The following TRIM66 variants were observed in gnomAD, a reference collection of about 807,000 sequenced individuals.
TRIM66 encodes tripartite motif-containing protein 66.
A neutral mutation model predicts 148.2 loss-of-function variants in TRIM66; 99 were observed. That is an observed-to-expected ratio of 0.67 (90% confidence interval 0.57 to 0.79). The LOEUF is 0.79. Among genes scored for constraint, TRIM66 ranks in the 30% least tolerant of loss-of-function variants. The pLI is 0.00. For missense variants in TRIM66, 1,666 were observed against 1,697.9 expected, an observed-to-expected ratio of 0.98 and a Z score of 0.33; for synonymous variants, 616 against 635.9, an observed-to-expected ratio of 0.97 and a Z score of 0.47.
chr11:8,618,666 C>G, intron 24 of TRIM66, 84 bp downstream of exon 24: 1 of 1,292,460 alleles, frequency 7.7e-7, no homozygotes, highest in Non-Finnish European at 1.1e-6. Context: ...ACCACCCGAA[C>G]AGCTTCACCT....
At chr11:8,642,082 C>T (rs1052388315) in intron 13 of TRIM66, among the ~76,000 whole-genome samples, 8 of 152,108 alleles carry the variant, frequency 5.3e-5, no homozygotes, top group East Asian at 1.9e-4. Flanking sequence ...TGCCAGGCAC[C>T]GGCACTGCCC....
At position 8,640,950 on chromosome 11, in the gene TRIM66, A is replaced by G. The variant is rs1211055976; in HGVS notation, c.1425T>C (p.Pro475=). The G allele has an allele frequency of 1.9e-6, 3 of 1,551,170 alleles. No homozygotes were observed. The highest frequency in any genetic ancestry group is 2.4e-5 in the South Asian group (2 of 84,026). Residue 475 remains proline, a synonymous_variant, in exon 14 of 25, where the codon CCT becomes CCC. Transcript: ENST00000646038. ...GTGGGGGGACCTGGCCTTTGAGGGA[A>G]GGCGAGACTGGGGAGCAGTGGGAGC... ...VCCSHCSPVS[P]SLKGQVPPPS...
chr11:8,633,787 G>A (rs555229981), intron 15 of TRIM66, among the ~76,000 whole-genome samples: 1 of 152,186 alleles, frequency 6.6e-6, no homozygotes, highest in Non-Finnish European at 1.5e-5. Context: ...ATGAGTTTAA[G>A]CAAGTCATTG....
At chr11:8,660,196 C>A (rs144800362) in intron 6 of TRIM66, among the ~76,000 whole-genome samples, 75 of 152,306 alleles carry the variant, frequency 4.9e-4, no homozygotes, top group African/African-American at 1.8e-3. Context: ...AGATCCTTCA[C>A]AATTTGGCCC....
chr11:8,621,326 G>A lies in TRIM66; in HGVS notation c.3256-5C>T. ...AGACAGTCTGTCCTGGCTGACCTTG[G>A]GGAAGAAGTAAGTCTGGGCAGCCAG... On this transcript the variant is annotated splice_polypyrimidine_tract_variant and splice_region_variant and intron_variant, in intron 19 of 24. Transcript: ENST00000646038. 3 of 1,548,020 alleles carry A rather than the reference G, an allele frequency of 1.9e-6. No individual in the cohort carries two copies. Among genetic ancestry groups the A allele is most frequent in the Non-Finnish European group, 2.6e-6 (3 of 1,144,736 alleles).
At chr11:8,663,678 T>C (rs1489763507) in intron 6 of TRIM66, among the ~76,000 whole-genome samples, 2 of 152,132 alleles carry the variant, frequency 1.3e-5, no homozygotes, top group Non-Finnish European at 2.9e-5. Flanking sequence ...GAGACATACC[T>C]GCACTCCCAT....
intron 8 of TRIM66, among the ~76,000 whole-genome samples, chr11:8,649,348 T>A (rs578217045): frequency 1.9e-4 from 28 of 150,914 alleles, no homozygotes; most frequent in East Asian, 1.4e-3. Flanking sequence ...CAAAAAAAAA[T>A]AAAAATAAAA....
chr11:8,676,883 G>C (rs993035170), intron 3 of TRIM66, among the ~76,000 whole-genome samples: 2 of 152,198 alleles, frequency 1.3e-5, no homozygotes, highest in Non-Finnish European at 2.9e-5. Flanking sequence ...TTACTTAAAA[G>C]AATGTGGGTC....
At position 8,612,476 on chromosome 11, in the gene TRIM66, T is replaced by C. The variant is rs2033456302; in HGVS notation, c.*5468A>G. On this transcript the variant is annotated 3_prime_UTR_variant, in exon 25 of 25. Coordinates refer to ENST00000646038, the MANE Select transcript of TRIM66 (RefSeq NM_001388022.1). ...CACAACTTTATAGATGAGGAAACTG[T>C]ATCCAAGGTTACACAGCTCATAATG... 6.6e-6 allele frequency: 1 copy of C among 152,210 alleles called. No individual in the cohort carries two copies. The highest frequency in any genetic ancestry group is 1.5e-5 in the Non-Finnish European group (1 of 68,042). 9.4% of individuals were successfully genotyped at this position (152,210 alleles called of 1,614,324 possible).
Position 8,651,814 on chromosome 11 carries a change from G to A in TRIM66, c.430C>T (p.Pro144Ser), listed in dbSNP as rs1230007506. The A allele has an allele frequency of 6.4e-7, 1 of 1,551,728 alleles. No individual in the cohort carries two copies. Among genetic ancestry groups the A allele is most frequent in the Non-Finnish European group, 8.7e-7 (1 of 1,146,990 alleles). The change falls in exon 7 of 25, where the codon CCC becomes TCC. Residue 144 changes from proline (P) to serine (S), a missense_variant. By Grantham distance (74) the Pro-to-Ser change is moderately conservative (BLOSUM62 -1). Transcript: ENST00000646038. ...FFLHCVPTEQ[P>S]KMARNCSECK... is the part of the protein sequence containing the mutation. ...TCCTGACTTACCCTGGCCATCTTGG[G>A]TTGCTCAGTAGGAACACAATGCAGA...
intron 6 of TRIM66, among the ~76,000 whole-genome samples, chr11:8,657,760 C>A (rs1474195836): frequency 2.0e-5 from 3 of 152,220 alleles, no homozygotes; most frequent in African/African-American, 7.2e-5. Context: ...TTCCTCCAAC[C>A]CACCACTCAG....
At chr11:8,667,234 A>T (rs2038658647) in intron 6 of TRIM66, among the ~76,000 whole-genome samples, 1 of 152,228 alleles carries the variant, frequency 6.6e-6, no homozygotes, top group Non-Finnish European at 1.5e-5. Flanking sequence ...TTAAGAGCTA[A>T]AACTATAAAA....
At chr11:8,653,525 C>T (rs2037544506) in intron 6 of TRIM66, among the ~76,000 whole-genome samples, 1 of 152,100 alleles carries the variant, frequency 6.6e-6, no homozygotes, top group Non-Finnish European at 1.5e-5. Context: ...ACCAGCCAGC[C>T]CCAACTAACC....
rs1257379244 is a variant in TRIM66, at chr11:8,616,916, G to A, written c.*1028C>T. 6.6e-6 allele frequency: 1 copy of A among 152,238 alleles called. No homozygotes were observed. The highest frequency in any genetic ancestry group is 1.5e-5 in the Non-Finnish European group (1 of 68,106). The allele number at this position is 152,238 out of a possible 1,614,324, so 9.4% of individuals were successfully genotyped here. A position where few individuals can be genotyped will look rare whatever the true frequency, so the allele number is the denominator to read the frequency against. ...GATCTTTGGCTCATGAACTTGGAGA[G>A]GTTGAGAACTAGAATCTTTAAGCAG... On this transcript the variant is annotated 3_prime_UTR_variant, in exon 25 of 25. Transcript: ENST00000646038.
At position 8,638,734 on chromosome 11, in the gene TRIM66, C is replaced by T. The variant is rs1240831631; in HGVS notation, c.2230G>A (p.Ala744Thr). The change falls in exon 15 of 25, where the codon GCG (alanine) becomes ACG (threonine). Residue 744 changes from alanine to threonine, a missense_variant. Physicochemically the swap from Ala to Thr is moderately conservative, Grantham distance 58. Coordinates refer to ENST00000646038, the MANE Select transcript of TRIM66 (RefSeq NM_001388022.1). ...CTGAGAGGGGTTTCTTCCCCAGACG[C>T]CTGGGGCAAGGCAGCAGCAGTATTC... ...DKNTAAALPQ[A>T]SGEETPLSVP... The T allele has an allele frequency of 1.9e-6, 3 of 1,550,434 alleles. No individual in the cohort carries two copies. The Admixed American group carries it at 5.9e-5, about 31-fold the overall frequency.
Position 8,672,331 on chromosome 11 carries a change from AC to A in TRIM66, c.-58del, listed in dbSNP as rs1208699995. ...CTGCTGTTTGTCTGAAGGCGAACAA[AC>A]CCTTCAAAAGTGTCCCGTACCTGTG... On this transcript the variant is annotated 5_prime_UTR_variant, in exon 5 of 25. Transcript: ENST00000646038. 8.5e-6 allele frequency: 13 copies of A among 1,535,768 alleles called. No individual in the cohort carries two copies. The highest frequency in any genetic ancestry group is 1.4e-5 in the African/African-American group (1 of 72,994).
rs936987286 is a variant in TRIM66, at chr11:8,612,147, A to C, written c.*5797T>G. On this transcript the variant is annotated 3_prime_UTR_variant, in exon 25 of 25. Coordinates refer to ENST00000646038, the MANE Select transcript of TRIM66 (RefSeq NM_001388022.1). ...CCTCCCTCATGCCCCAACCGCTTAG[A>C]ATCCAATAGCCACTCCTAACAAGGG... 7.2e-5 allele frequency: 11 copies of C among 152,190 alleles called. No homozygotes were observed. The highest frequency in any genetic ancestry group is 2.7e-4 in the African/African-American group (11 of 41,430). The allele number at this position is 152,190 out of a possible 1,614,324, so 9.4% of individuals were successfully genotyped here.
Position 8,624,979 on chromosome 11 carries a change from T to A in TRIM66, c.2560A>T (p.Ser854Cys). ...HLQTVPSLVH[S>C]TFQSMPNLIS... ...AGGTTGGGCATGGACTGGAATGTGC[T>A]ATGCACAAGGCTGGGCACAGTCTGT... The change falls in exon 16 of 25, where the codon AGC becomes TGC. Residue 854 changes from serine (S) to cysteine (C), a missense_variant. Ser to Cys is a moderately radical substitution (Grantham distance 112). This residue lies in a region of TRIM66 where 1,431 missense variants were observed against 1,412.4 expected (regional missense o/e 1.01). Transcript: ENST00000646038. 6.4e-7 allele frequency: 1 copy of A among 1,551,714 alleles called. No homozygotes were observed. Among genetic ancestry groups the A allele is most frequent in the Non-Finnish European group, 8.7e-7 (1 of 1,147,002 alleles).
chr11:8,649,691 AG>A, intron 8 of TRIM66, 48 bp downstream of exon 8: 1 of 1,541,780 alleles, frequency 6.5e-7, no homozygotes, highest in Non-Finnish European at 8.8e-7. Flanking sequence ...CTTAGGGTTC[AG>A]CCCTGCTTTA....
Sources: gnomAD v4.1 joint callset for allele counts (sites outside exome capture counted in the v4.1 genomes callset) on GRCh38, gnomAD v4.1.1 for gene constraint, gnomAD v4.1.1 regional missense constraint, MANE v1.5 for transcripts, NCBI Gene and HGNC (gene_info 2026-07-23, HGNC 2026-07-21) for gene names.